Variants in MYO19 observed in about 807,000 individuals in gnomAD.
MYO19 encodes the protein unconventional myosin-XIX.
Under a neutral mutation model 129.2 loss-of-function variants are expected in MYO19, and 132 were observed. The observed-to-expected ratio is 1.02, with a 90% CI of 0.89 to 1.18. The LOEUF is 1.18. Ranked by LOEUF, MYO19 falls within the 50% of genes most tolerant of loss-of-function variation. The probability of loss-of-function intolerance (pLI) is 0.00; values close to 1 mark genes in which losing one functional copy is unlikely to be tolerated. For synonymous variants in MYO19, 531 were observed against 477.2 expected, an observed-to-expected ratio of 1.11 and a Z score of -1.47; for missense variants, 1,210 against 1,216.7, an observed-to-expected ratio of 0.99 and a Z score of 0.08.
rs2071299748 is a variant in MYO19, at chr17:36,499,415, A to G, written c.2378-255T>C. The G allele has an allele frequency of 2.2e-5, 7 of 312,292 alleles. 1 individual carries two copies. In the South Asian group the frequency reaches 2.3e-4, roughly 10 times the overall value. The allele number at this position is 312,292 out of a possible 1,614,324, so 19.3% of individuals were successfully genotyped here. ...GGGCACTGGGGAGAAGGACTGGCTG[A>G]GGGCCCAGCAATCACTTCCCGTCTC... is the stretch of plus-strand genomic sequence containing the variant. On this transcript the variant is annotated intron_variant, in intron 23 of 25. Coordinates refer to ENST00000614623, the MANE Select transcript of MYO19 (RefSeq NM_001163735.2).
chr17:36,539,283 A>G (rs537416285), upstream of MYO19: 1 of 167,182 alleles, frequency 6.0e-6, no homozygotes, highest in African/African-American at 2.4e-5. Flanking sequence ...TGAAATGTTT[A>G]TGTTGACATT....
chr17:36,501,296 A>G, intron 21 of MYO19, 61 bp from the exon 22 acceptor site: 1 of 1,538,596 alleles, frequency 6.5e-7, no homozygotes. Context: ...TGTGGCCTGA[A>G]GAAACTGGCT....
chr17:36,525,319 G>C lies in MYO19; in HGVS notation c.323C>G (p.Thr108Ser). The C allele has an allele frequency of 3.1e-6, 5 of 1,613,488 alleles. No homozygotes were observed. Among genetic ancestry groups the C allele is most frequent in the Non-Finnish European group, 3.4e-6 (4 of 1,179,524 alleles). Reference sequence around the variant, plus strand: ...ATTCCTGTAGGTCTGTTCACCCACAGTGAACACATGGGGCTTCAGTTTCTG... The same window carrying C: ...ATTCCTGTAGGTCTGTTCACCCACACTGAACACATGGGGCTTCAGTTTCTG... The part of the protein sequence containing the change: ...QPQKLKPHVF[T>S]VGEQTYRNVK... Residue 108 changes from threonine (T) to serine (S), a missense_variant, in exon 6 of 26, where the codon ACT (threonine) becomes AGT (serine). Physicochemically the swap from Thr to Ser is moderately conservative, Grantham distance 58 (BLOSUM62 1). Transcript: ENST00000614623.
At chr17:36,531,000 T>G (rs551708974) in intron 3 of MYO19, among the ~76,000 whole-genome samples, 33 of 152,048 alleles carry the variant, frequency 2.2e-4, no homozygotes, top group African/African-American at 6.7e-4. Context: ...TTTGGGAGGC[T>G]GAGGCAGACG....
Position 36,507,304 on chromosome 17 carries a change from G to A in MYO19, c.1467+95C>T, listed in dbSNP as rs981497858. ...AGCAGATCTATTTGGCAGACTGGGA[G>A]GAGAGAGGCACAGAGAGGAAACAGG... On this transcript the variant is annotated intron_variant, in intron 16 of 25. Coordinates refer to ENST00000614623, the MANE Select transcript of MYO19 (RefSeq NM_001163735.2). The A allele has an allele frequency of 4.9e-6, 7 of 1,429,204 alleles. No individual in the cohort carries two copies. The Admixed American group carries it at 5.4e-5, about 11-fold the overall frequency. The allele number at this position is 1,429,204 out of a possible 1,614,324, so 88.5% of individuals were successfully genotyped here. A position where few individuals can be genotyped will look rare whatever the true frequency, so the allele number is the denominator to read the frequency against.
chr17:36,512,996 G>C, intron 11 of MYO19: 1 of 808,742 alleles, frequency 1.2e-6, no homozygotes, highest in Non-Finnish European at 1.6e-6. Context: ...CTGACCTTGG[G>C]CACGTCACTT....
In MYO19 at chr17:36,513,536, TCAG is replaced by T. The variant is rs776811453; in HGVS notation, c.818-34_818-32del. The T allele has an allele frequency of 1.1e-5, 17 of 1,613,434 alleles. No individual in the cohort carries two copies. The East Asian group carries it at 2.0e-4, about 19-fold the overall frequency. On this transcript the variant is annotated intron_variant, in intron 10 of 25. Coordinates refer to ENST00000614623, the MANE Select transcript of MYO19 (RefSeq NM_001163735.2). ...AAAGAATCCAAGTTCGGGGCAGAGG[TCAG>T]CAGCAGCAAGATGCGAGGGAGGCAG... is the stretch of plus-strand genomic sequence containing the variant.
intron 18 of MYO19, 133 bp downstream of exon 18, chr17:36,506,323 G>C: frequency 9.4e-7 from 1 of 1,063,276 alleles, no homozygotes; most frequent in Non-Finnish European, 1.4e-6. Flanking sequence ...TAAACTCCAG[G>C]GGACTGGGAC....
At chr17:36,501,018 G>A (rs1046348564) in intron 22 of MYO19, 51 bp downstream of exon 22, 2 of 1,603,662 alleles carry the variant, frequency 1.2e-6, no homozygotes, top group Admixed American at 1.7e-5. Context: ...CTCCTGCTGA[G>A]GAGAGCACAC....
intron 6 of MYO19, among the ~76,000 whole-genome samples, chr17:36,524,332 A>G (rs1457412968): frequency 6.6e-6 from 1 of 152,220 alleles, no homozygotes; most frequent in Non-Finnish European, 1.5e-5. Context: ...GTGCCCAGCC[A>G]GAAGCCTAGA....
chr17:36,498,858 C>T (rs2071241984), intron 24 of MYO19: 4 of 592,690 alleles, frequency 6.7e-6, no homozygotes, highest in African/African-American at 1.9e-5. Flanking sequence ...TTGGTATATT[C>T]CCAGAGTTGC....
chr17:36,508,375 C>T (rs890573247), intron 14 of MYO19: 2 of 157,986 alleles, frequency 1.3e-5, no homozygotes, highest in African/African-American at 2.4e-5. Flanking sequence ...TTTATTTCCT[C>T]CTATAACTGA....
At chr17:36,544,586 G>A (rs1470950803), upstream of MYO19, among the ~76,000 whole-genome samples, 2 of 152,238 alleles carry the variant, frequency 1.3e-5, no homozygotes, top group African/African-American at 2.4e-5. Flanking sequence ...TTTGAGAGGA[G>A]GCAGATTCCC....
chr17:36,532,797 G>A (rs1199630619), intron 2 of MYO19, 116 bp from the exon 3 acceptor site: 3 of 580,560 alleles, frequency 5.2e-6, no homozygotes, highest in Non-Finnish European at 3.1e-6. Flanking sequence ...GGCAGGCCTG[G>A]GCGGAGAGTG....
chr17:36,512,194 T>C lies in MYO19; in HGVS notation c.895-739A>G, dbSNP rs1030318513. 1.6e-4 allele frequency among the ~76,000 whole-genome samples: 11 copies of C among 70,092 alleles called. No individual in the cohort carries two copies. The South Asian group carries it at 2.6e-3, about 16-fold the overall frequency. 46.0% of individuals were successfully genotyped at this position (70,092 alleles called of 152,430 possible). On this transcript the variant is annotated intron_variant, in intron 11 of 25. Transcript: ENST00000614623. ...GGTGAACCTCCATCTCTACTAAAAA[T>C]AAACACACACACACACACACACACA... is the stretch of plus-strand genomic sequence containing the variant.
intron 6 of MYO19, 62 bp downstream of exon 6, chr17:36,525,166 C>A: frequency 8.0e-7 from 1 of 1,251,102 alleles, no homozygotes; most frequent in South Asian, 1.2e-5. Flanking sequence ...AAGGAATGAC[C>A]CCTGCCTCCC....
chr17:36,495,676 T>A lies in MYO19; in HGVS notation c.*575A>T. 1 of 1,271,404 alleles carries A rather than the reference T, an allele frequency of 7.9e-7. No individual in the cohort carries two copies. The allele number at this position is 1,271,404 out of a possible 1,614,324, so 78.8% of individuals were successfully genotyped here. A position where few individuals can be genotyped will look rare whatever the true frequency, so the allele number is the denominator to read the frequency against. On this transcript the variant is annotated 3_prime_UTR_variant, in exon 26 of 26. Coordinates refer to ENST00000614623, the MANE Select transcript of MYO19 (RefSeq NM_001163735.2). ...TTACTTTTGGTACAGTTGATAGACA[T>A]CATAAACGATATCAAGCTTACACTT...
chr17:36,538,593 G>A (rs1427870747), upstream of MYO19: 6 of 1,603,588 alleles, frequency 3.7e-6, no homozygotes, highest in Non-Finnish European at 3.4e-6. Flanking sequence ...ATATTTGCAA[G>A]ATAAGACTGT....
chr17:36,507,640 A>G, intron 15 of MYO19, 128 bp from the exon 16 acceptor site: 1 of 1,305,270 alleles, frequency 7.7e-7, no homozygotes, highest in Non-Finnish European at 1.1e-6. Context: ...AGTATATCAA[A>G]ACATTACATT....
Sources: allele counts gnomAD v4.1 joint callset (sites outside exome capture counted in the v4.1 genomes callset), GRCh38; gene constraint gnomAD v4.1.1; transcripts MANE v1.5; gene names NCBI Gene and HGNC (gene_info 2026-07-23, HGNC 2026-07-21).